SPOCK3: variants seen among roughly 807,000 people sequenced by gnomAD.
SPOCK3 encodes SPARC (osteonectin), cwcv and kazal like domains proteoglycan 3.
A neutral mutation model predicts 56.6 loss-of-function variants in SPOCK3; 30 were observed. That is an observed-to-expected ratio of 0.53 (90% CI 0.40 to 0.72). The LOEUF (loss-of-function observed/expected upper bound fraction) is 0.72. Ranked by LOEUF, SPOCK3 falls within the 30% of genes least tolerant of loss-of-function variation. The pLI is 0.00. For synonymous variants in SPOCK3, 196 were observed against 183.3 expected (o/e 1.07, Z -0.56); for missense variants, 527 against 530.0 (o/e 0.99, Z 0.06).
chr4:166,970,028 C>T lies in SPOCK3; in HGVS notation c.350+30321G>A, dbSNP rs765213716. On this transcript the variant is annotated intron_variant, in intron 4 of 10. Coordinates refer to ENST00000357545, the MANE Select transcript of SPOCK3 (RefSeq NM_001040159.2). ...TAGAAGTATTTCAGTCTATCAAATGCAAATATTTTTCTTCAGCTAATTATA... is the reference window on the plus strand; with the variant it reads ...TAGAAGTATTTCAGTCTATCAAATGTAAATATTTTTCTTCAGCTAATTATA... 2.0e-5 allele frequency among the ~76,000 whole-genome samples: 3 copies of T among 152,144 alleles called. No individual in the cohort carries two copies. In the South Asian group the frequency reaches 6.2e-4, roughly 32 times the overall value.
intron 6 of SPOCK3, among the ~76,000 whole-genome samples, chr4:166,870,646 T>C (rs1184704872): frequency 6.6e-6 from 1 of 152,120 alleles, no homozygotes; most frequent in South Asian, 2.1e-4. Flanking sequence ...TAAAAATTAC[T>C]TAGAGCTAAA....
intron 4 of SPOCK3, among the ~76,000 whole-genome samples, chr4:166,951,141 C>G (rs1434528703): frequency 6.9e-6 from 1 of 144,196 alleles, no homozygotes; most frequent in African/African-American, 2.8e-5. Flanking sequence ...ATTAATGAAT[C>G]CAGGAGCTGG....
chr4:167,057,282 G>T (rs548382594), intron 3 of SPOCK3, among the ~76,000 whole-genome samples: 362 of 152,222 alleles, frequency 2.4e-3, no homozygotes, highest in African/African-American at 8.0e-3. Context: ...AGCTCCTCAA[G>T]GAAGCACTAA....
chr4:167,202,035 C>A (rs1733566049), intron 2 of SPOCK3, among the ~76,000 whole-genome samples: 1 of 151,926 alleles, frequency 6.6e-6, no homozygotes, highest in African/African-American at 2.4e-5. Context: ...CAACTGAATA[C>A]ACTTAGGCTT....
intron 4 of SPOCK3, among the ~76,000 whole-genome samples, chr4:166,930,953 C>T (rs771107920): frequency 2.6e-5 from 4 of 152,128 alleles, no homozygotes; most frequent in African/African-American, 4.8e-5. Flanking sequence ...TCTCATTCTA[C>T]GTTTCTTGTA....
chr4:167,105,557 A>C (rs553988808), intron 2 of SPOCK3, among the ~76,000 whole-genome samples: 2 of 148,906 alleles, frequency 1.3e-5, no homozygotes, highest in East Asian at 3.9e-4. Context: ...AGAGACCACA[A>C]AGCAACCAGG....
chr4:167,052,310 G>T (rs1250521445), intron 3 of SPOCK3, among the ~76,000 whole-genome samples: 2 of 152,048 alleles, frequency 1.3e-5, no homozygotes, highest in East Asian at 1.9e-4. Context: ...ATTTACTGTT[G>T]GTTTCTAGCT....
intron 4 of SPOCK3, among the ~76,000 whole-genome samples, chr4:166,927,004 T>C (rs1044829968): frequency 8.5e-5 from 13 of 152,296 alleles, no homozygotes; most frequent in Middle Eastern, 3.4e-3. Context: ...CTAATAGCAA[T>C]GGACCCTAAA....
chr4:166,888,815 G>GA (rs1402355013), intron 6 of SPOCK3, among the ~76,000 whole-genome samples: 1 of 149,920 alleles, frequency 6.7e-6, no homozygotes, highest in East Asian at 1.9e-4. Flanking sequence ...TGCTCTAAAA[G>GA]AAAAAAATGA....
chr4:167,197,037 A>C (rs1733023688), intron 2 of SPOCK3, among the ~76,000 whole-genome samples: 2 of 152,290 alleles, frequency 1.3e-5, no homozygotes, highest in African/African-American at 2.4e-5. Context: ...GTTTCCACCT[A>C]CACTTAAGGG....
chr4:167,093,881 G>A (rs1316113937), intron 2 of SPOCK3, among the ~76,000 whole-genome samples: 1 of 152,018 alleles, frequency 6.6e-6, no homozygotes, highest in Non-Finnish European at 1.5e-5. Flanking sequence ...GCAATCTTTG[G>A]TCTATGTCAA....
chr4:167,037,494 GAAA>G (rs34198420), intron 3 of SPOCK3, among the ~76,000 whole-genome samples: 27 of 141,826 alleles, frequency 1.9e-4, no homozygotes, highest in Admixed American at 3.6e-4. Context: ...AAAAGAAGAA[GAAA>G]AAAAAAAAAA....
chr4:166,784,915 A>G (rs1740576194), intron 7 of SPOCK3, among the ~76,000 whole-genome samples: 1 of 152,102 alleles, frequency 6.6e-6, no homozygotes, highest in South Asian at 2.1e-4. Flanking sequence ...CCAAATTGTT[A>G]AAGGGAAAAT....
intron 6 of SPOCK3, among the ~76,000 whole-genome samples, chr4:166,816,318 G>A (rs1236384476): frequency 6.6e-6 from 1 of 152,028 alleles, no homozygotes; most frequent in African/African-American, 2.4e-5. Context: ...TTTTTAGTAT[G>A]TGCTGTCCTT....
intron 2 of SPOCK3, among the ~76,000 whole-genome samples, chr4:167,069,632 G>C (rs1756486929): frequency 6.6e-6 from 1 of 151,902 alleles, no homozygotes; most frequent in African/African-American, 2.4e-5. Flanking sequence ...GTCAGGTCAA[G>C]CATGTCTTTC....
intron 6 of SPOCK3, among the ~76,000 whole-genome samples, chr4:166,843,177 A>T (rs1426270020): frequency 6.7e-6 from 1 of 150,226 alleles, no homozygotes; most frequent in South Asian, 2.1e-4. Context: ...CTCCCTCCAC[A>T]CCCCCCCGCA....
chr4:166,896,478 GC>G (rs1249532273), intron 5 of SPOCK3, among the ~76,000 whole-genome samples: 1 of 152,144 alleles, frequency 6.6e-6, no homozygotes, highest in African/African-American at 2.4e-5. Context: ...GCATGCTTAA[GC>G]AGAACAAAGG....
In SPOCK3 at chr4:167,122,191, G is replaced by T. The variant is rs1178576865; in HGVS notation, c.190-59654C>A. 2.0e-5 allele frequency among the ~76,000 whole-genome samples: 3 copies of T among 150,048 alleles called. No individual in the cohort carries two copies. In the Admixed American group the frequency reaches 2.0e-4, roughly 10 times the overall value. On this transcript the variant is annotated intron_variant, in intron 2 of 10. Transcript: ENST00000357545. The stretch of plus-strand genomic sequence containing the variant: ...CTCTTTCTCTCTCTTTCTTGAGACA[G>T]GGTCTAGAATACAGTGGTGCAAGCA...
In SPOCK3 at chr4:166,842,574, T is replaced by G. The variant is rs900011972; in HGVS notation, c.589+46556A>C. Among the ~76,000 whole-genome samples the G allele has an allele frequency of 3.9e-5, 6 of 152,178 alleles. No individual in the cohort carries two copies. The South Asian group carries it at 1.2e-3, about 32-fold the overall frequency. ...TACAAACCTTGAGCTAGACACAGAGTGCTGATTGGTGTATTTACAATCCTT... is the reference window on the plus strand; with the variant it reads ...TACAAACCTTGAGCTAGACACAGAGGGCTGATTGGTGTATTTACAATCCTT... On this transcript the variant is annotated intron_variant, in intron 6 of 10. Coordinates refer to ENST00000357545, the MANE Select transcript of SPOCK3 (RefSeq NM_001040159.2).
Sources: gnomAD v4.1 joint callset for allele counts (sites outside exome capture counted in the v4.1 genomes callset) on GRCh38, gnomAD v4.1.1 for gene constraint, MANE v1.5 for transcripts, NCBI Gene and HGNC (gene_info 2026-07-23, HGNC 2026-07-21) for gene names.